MAP7: variants seen among roughly 807,000 people sequenced by gnomAD.
MAP7 encodes microtubule associated protein 7, also known as ensconsin.
Under a neutral mutation model 94.8 loss-of-function variants are expected in MAP7, and 52 were observed. The observed-to-expected ratio is 0.55, with a 90% CI of 0.44 to 0.69. The LOEUF (loss-of-function observed/expected upper bound fraction) is 0.69, where lower values mean the gene tolerates loss of function less well. Ranked by LOEUF, MAP7 falls within the 30% of genes least tolerant of loss-of-function variation. The probability of loss-of-function intolerance (pLI) is 0.00; values close to 1 mark genes in which losing one functional copy is unlikely to be tolerated. For missense variants in MAP7, 940 were observed against 964.6 expected, an observed-to-expected ratio of 0.97 and a Z score of 0.34; for synonymous variants, 350 against 357.0, an observed-to-expected ratio of 0.98 and a Z score of 0.22.
At chr6:136,428,232 T>C (rs1306698613) in intron 1 of MAP7, among the ~76,000 whole-genome samples, 4 of 152,074 alleles carry the variant, frequency 2.6e-5, no homozygotes, top group Non-Finnish European at 5.9e-5. Context: ...AATACTGACA[T>C]AGGCTGGGCG....
chr6:136,477,576 T>C (rs368053694), intron 1 of MAP7, among the ~76,000 whole-genome samples: 3 of 152,232 alleles, frequency 2.0e-5, no homozygotes, highest in East Asian at 1.9e-4. Flanking sequence ...AAGGTCATTA[T>C]TTAATGATAA....
chr6:136,436,657 G>A (rs1190593221), intron 1 of MAP7, among the ~76,000 whole-genome samples: 1 of 152,242 alleles, frequency 6.6e-6, no homozygotes, highest in East Asian at 1.9e-4. Context: ...TGCGATTACA[G>A]GTGTGAGCTA....
At chr6:136,366,947 G>T (rs1181982813) in intron 8 of MAP7, among the ~76,000 whole-genome samples, 1 of 151,914 alleles carries the variant, frequency 6.6e-6, no homozygotes, top group Non-Finnish European at 1.5e-5. Context: ...TATTGATGTT[G>T]TATAATGGAA....
rs199733423 is a variant in MAP7, at chr6:136,523,445, G to A, written c.67+26897C>T. Reference sequence around the variant, plus strand: ...TAGCTATATTTCAAGCTCTGCAGCTGTGGCTATTGTATTGGACAGTGCATA... The same window carrying A: ...TAGCTATATTTCAAGCTCTGCAGCTATGGCTATTGTATTGGACAGTGCATA... On this transcript the variant is annotated intron_variant, in intron 1 of 17. Coordinates refer to ENST00000354570, the MANE Select transcript of MAP7 (RefSeq NM_003980.6). 1.8e-4 allele frequency among the ~76,000 whole-genome samples: 27 copies of A among 152,356 alleles called. No homozygotes were observed. The East Asian group carries it at 4.6e-3, about 26-fold the overall frequency.
Position 136,457,152 on chromosome 6 carries a change from G to C in MAP7, c.68-35353C>G, listed in dbSNP as rs527576471. On this transcript the variant is annotated intron_variant, in intron 1 of 17. Coordinates refer to ENST00000354570, the MANE Select transcript of MAP7 (RefSeq NM_003980.6). ...ACAGAAATAAAAAGGACCATAAAAG[G>C]CTACTATGAACAATTAAACAATTAT... Among the ~76,000 whole-genome samples the C allele has an allele frequency of 2.0e-5, 3 of 150,892 alleles. No individual in the cohort carries two copies. In the South Asian group the frequency reaches 6.3e-4, roughly 32 times the overall value.
intron 1 of MAP7, among the ~76,000 whole-genome samples, chr6:136,494,539 T>C (rs1030067432): frequency 6.6e-6 from 1 of 150,730 alleles, no homozygotes; most frequent in East Asian, 1.9e-4. Flanking sequence ...GCAACTGAAC[T>C]ATACATTTAA....
At chr6:136,370,371 A>C (rs952947160) in intron 8 of MAP7, among the ~76,000 whole-genome samples, 3 of 152,238 alleles carry the variant, frequency 2.0e-5, no homozygotes, top group Non-Finnish European at 4.4e-5. Context: ...CTCCTCAAAA[A>C]ATTGAAAATA....
chr6:136,352,390 T>C (rs1259822796), intron 16 of MAP7, among the ~76,000 whole-genome samples: 1 of 152,070 alleles, frequency 6.6e-6, no homozygotes, highest in Non-Finnish European at 1.5e-5. Context: ...GGTTTTGCCA[T>C]GTTACTCAGG....
intron 1 of MAP7, among the ~76,000 whole-genome samples, chr6:136,476,572 A>G (rs1810991373): frequency 6.6e-6 from 1 of 152,212 alleles, no homozygotes; most frequent in African/African-American, 2.4e-5. Flanking sequence ...AACATAGAAA[A>G]AGTTGGAATA....
intron 1 of MAP7, among the ~76,000 whole-genome samples, chr6:136,490,910 T>A (rs747892075): frequency 6.6e-6 from 1 of 152,202 alleles, no homozygotes; most frequent in Non-Finnish European, 1.5e-5. Flanking sequence ...AGAGCTCATC[T>A]TATCCCCCAA....
intron 17 of MAP7, among the ~76,000 whole-genome samples, chr6:136,345,306 T>A (rs946368394): frequency 6.6e-6 from 1 of 152,208 alleles, no homozygotes; most frequent in Non-Finnish European, 1.5e-5. Flanking sequence ...TTAGACTCAG[T>A]GTGAGTACTG....
chr6:136,429,100 C>T (rs1582886635), intron 1 of MAP7, among the ~76,000 whole-genome samples: 1 of 152,170 alleles, frequency 6.6e-6, no homozygotes, highest in Admixed American at 6.5e-5. Flanking sequence ...AGCATTTGTT[C>T]AGTGTCACAT....
At chr6:136,369,567 T>C (rs1795095227) in intron 8 of MAP7, among the ~76,000 whole-genome samples, 2 of 65,920 alleles carry the variant, frequency 3.0e-5, no homozygotes, top group South Asian at 1.4e-3. Context: ...AGTGAGACTG[T>C]CTCAAAAAAA....
At chr6:136,364,289 G>A in intron 10 of MAP7, 1 of 520,892 alleles carries the variant, frequency 1.9e-6, no homozygotes, top group South Asian at 1.5e-5. Context: ...CAAAAGCCTT[G>A]GCCAATGTTG....
intron 1 of MAP7, among the ~76,000 whole-genome samples, chr6:136,484,567 T>G (rs1460111259): frequency 6.6e-6 from 1 of 152,210 alleles, no homozygotes; most frequent in Non-Finnish European, 1.5e-5. Flanking sequence ...AATTTAGGGT[T>G]GGGAAGTCAT....
chr6:136,388,482 G>A lies in MAP7; in HGVS notation c.437C>T (p.Thr146Ile), dbSNP rs1562341899. The change falls in exon 5 of 18, where the codon ACA becomes ATA. Residue 146 changes from threonine (T) to isoleucine (I), a missense_variant. Physicochemically the swap from Thr to Ile is moderately conservative, Grantham distance 89. Coordinates refer to ENST00000354570, the MANE Select transcript of MAP7 (RefSeq NM_003980.6). ...TTTTGGCTTCTGGCTCCTTTCCATT[G>A]TGCGCCGTACAACAGCTTCGTGGCG... ...KERHEAVVRRTMERSQKPKQK... is the reference protein window; with the variant it reads ...KERHEAVVRRIMERSQKPKQK... The A allele has an allele frequency of 1.9e-6, 3 of 1,613,962 alleles. No individual in the cohort carries two copies. Among genetic ancestry groups the A allele is most frequent in the Non-Finnish European group, 8.5e-7 (1 of 1,180,000 alleles).
At chr6:136,419,991 C>G in intron 2 of MAP7, 2 of 750,110 alleles carry the variant, frequency 2.7e-6, no homozygotes, top group Non-Finnish European at 4.9e-6. Context: ...CTGCAAAGGA[C>G]TGTTGTGACT....
At chr6:136,390,752 T>C (rs1780478054) in intron 3 of MAP7, among the ~76,000 whole-genome samples, 1 of 152,242 alleles carries the variant, frequency 6.6e-6, no homozygotes, top group African/African-American at 2.4e-5. Flanking sequence ...GCATTTCTGA[T>C]ACCATTAAAT....
chr6:136,539,785 C>T (rs1829163044), intron 1 of MAP7, among the ~76,000 whole-genome samples: 1 of 152,130 alleles, frequency 6.6e-6, no homozygotes, highest in Non-Finnish European at 1.5e-5. Context: ...TTGAAACCCG[C>T]CTGGGCAACA....
Sources: allele counts gnomAD v4.1 joint callset (sites outside exome capture counted in the v4.1 genomes callset), GRCh38; gene constraint gnomAD v4.1.1; transcripts MANE v1.5; gene names NCBI Gene and HGNC (gene_info 2026-07-23, HGNC 2026-07-21).